Variants in TIMM9 observed in about 807,000 individuals in gnomAD.
TIMM9 encodes mitochondrial import inner membrane translocase subunit Tim9.
A neutral mutation model predicts 13.4 loss-of-function variants in TIMM9; 10 were observed. That is an observed-to-expected ratio of 0.75 (90% CI 0.46 to 1.26). TIMM9 has a LOEUF of 1.26. Ranked by LOEUF, TIMM9 falls within the 50% of genes most tolerant of loss-of-function variation. The pLI is 0.00. For synonymous variants in TIMM9, 32 were observed against 32.1 expected, an observed-to-expected ratio of 1.00 and a Z score of 0.01; for missense variants, 87 against 100.8, an observed-to-expected ratio of 0.86 and a Z score of 0.58.
chr14:58,423,284 A>G (rs2036640861), intron 3 of TIMM9, among the ~76,000 whole-genome samples: 1 of 151,454 alleles, frequency 6.6e-6, no homozygotes, highest in Admixed American at 6.6e-5. Flanking sequence ...TTGGGAGGCC[A>G]AGGCGGGTGG....
At chr14:58,413,112 C>T (rs528524560) in intron 3 of TIMM9, among the ~76,000 whole-genome samples, 5 of 152,122 alleles carry the variant, frequency 3.3e-5, no homozygotes, top group Admixed American at 6.5e-5. Flanking sequence ...AGACATTTTA[C>T]GTTCCTTTTC....
rs771579424 is a variant in TIMM9 at position 58,410,860 on chromosome 14, C to T, written c.118G>A (p.Glu40Lys). Reference sequence around the variant, plus strand: ...TTTCATACCTCTTCAGGTTTTACTTCTCTTGTTGTGAAGTCTTTAACACAG... The same window carrying T: ...TTTCATACCTCTTCAGGTTTTACTTTTCTTGTTGTGAAGTCTTTAACACAG... ...LDCVKDFTTR[E>K]VKPEETTCSE... is the part of the protein sequence containing the mutation. Residue 40 changes from glutamate to lysine, a missense_variant, in exon 5 of 6, where the codon GAA becomes AAA. Glu to Lys is a moderately conservative substitution (Grantham distance 56). Transcript: ENST00000395159. 6.2e-7 allele frequency: 1 copy of T among 1,609,296 alleles called. No homozygotes were observed. Among genetic ancestry groups the T allele is most frequent in the South Asian group, 1.1e-5 (1 of 89,596 alleles).
At chr14:58,414,679 G>C (rs1314365792) in intron 3 of TIMM9, among the ~76,000 whole-genome samples, 2 of 148,584 alleles carry the variant, frequency 1.3e-5, no homozygotes, top group Non-Finnish European at 3.0e-5. Flanking sequence ...GGAGGTTGCA[G>C]TGAGCCGAGA....
intron 3 of TIMM9, among the ~76,000 whole-genome samples, chr14:58,414,835 C>T (rs529369599): frequency 1.3e-5 from 2 of 152,216 alleles, no homozygotes; most frequent in South Asian, 4.1e-4. Context: ...AAAAGCCTCC[C>T]CACTCCCCAG....
chr14:58,409,051 G>A lies in TIMM9; in HGVS notation c.253C>T (p.Leu85Phe), dbSNP rs1218096518. Residue 85 changes from leucine to phenylalanine, a missense_variant, in exon 6 of 6, where the codon CTT (leucine) becomes TTT (phenylalanine). Physicochemically the swap from Leu to Phe is conservative, Grantham distance 22 (BLOSUM62 0). Transcript: ENST00000395159. The stretch of plus-strand genomic sequence containing the variant: ...GGACTTCTCTATCGTGGTTGGCCAA[G>A]GAGTCCTGCTTTGGCTGCCAGGGCT... ...NEALAAKAGL[L>F]GQPR The A allele has an allele frequency of 1.9e-6, 3 of 1,613,316 alleles. No individual in the cohort carries two copies. Among genetic ancestry groups the A allele is most frequent in the African/African-American group, 2.7e-5 (2 of 74,866 alleles).
chr14:58,412,830 C>T (rs1478382598), intron 3 of TIMM9, among the ~76,000 whole-genome samples: 3 of 151,826 alleles, frequency 2.0e-5, no homozygotes, highest in African/African-American at 7.3e-5. Context: ...GAACTCAGGA[C>T]GTTGAGGTTA....
At chr14:58,421,362 G>A (rs947719342) in intron 3 of TIMM9, among the ~76,000 whole-genome samples, 3 of 152,202 alleles carry the variant, frequency 2.0e-5, no homozygotes, top group African/African-American at 7.2e-5. Context: ...GGAGTAGGAA[G>A]AAAGTAGGTG....
intron 3 of TIMM9, among the ~76,000 whole-genome samples, chr14:58,419,227 G>A (rs1480373477): frequency 6.6e-6 from 1 of 152,062 alleles, no homozygotes; most frequent in East Asian, 1.9e-4. Context: ...GCCAAGAAGG[G>A]AGAATTGCTT....
intron 3 of TIMM9, among the ~76,000 whole-genome samples, chr14:58,417,074 T>C (rs918544632): frequency 2.6e-5 from 4 of 152,160 alleles, no homozygotes; most frequent in Admixed American, 6.5e-5. Context: ...GACGGTTTTA[T>C]CAAGAGGAGA....
Position 58,420,620 on chromosome 14 carries a change from C to T in TIMM9, c.-27+3388G>A, listed in dbSNP as rs539483692. 5.9e-5 allele frequency among the ~76,000 whole-genome samples: 9 copies of T among 151,950 alleles called. No individual in the cohort carries two copies. The East Asian group carries it at 1.7e-3, about 29-fold the overall frequency. ...CTAGCCTGGCCAACGTGGTGAAACC[C>T]CATCTCTACTAAAAATACAAAAGTT... On this transcript the variant is annotated intron_variant, in intron 3 of 5. Transcript: ENST00000395159.
chr14:58,412,134 T>A, intron 3 of TIMM9, 163 bp from the exon 4 acceptor site: 1 of 542,220 alleles, frequency 1.8e-6, no homozygotes, highest in East Asian at 3.1e-5. Context: ...AACCTTACAG[T>A]TGAGAATTAG....
Position 58,409,111 on chromosome 14 carries a change from T to C in TIMM9, c.193A>G (p.Met65Val). The C allele has an allele frequency of 6.2e-7, 1 of 1,614,004 alleles. No homozygotes were observed. The highest frequency in any genetic ancestry group is 8.5e-7 in the Non-Finnish European group (1 of 1,179,960). Residue 65 changes from methionine (M) to valine (V), a missense_variant, in exon 6 of 6, where the codon ATG becomes GTG. By Grantham distance (21) the Met-to-Val change is conservative. Transcript: ENST00000395159. ...KYLKMTQRIS[M>V]RFQEYHIQQN... is the part of the protein sequence containing the mutation. The stretch of plus-strand genomic sequence containing the variant: ...TGAATATGATATTCCTGAAATCTCA[T>C]GGATATTCTTTGTGTCATTTTTAAA...
At chr14:58,412,536 T>A (rs1008999195) in intron 3 of TIMM9, among the ~76,000 whole-genome samples, 2 of 152,156 alleles carry the variant, frequency 1.3e-5, no homozygotes, top group East Asian at 3.9e-4. Flanking sequence ...CTTGCTAAGC[T>A]GCTTGTTTAA....
chr14:58,416,726 T>G (rs1053540413), intron 3 of TIMM9, among the ~76,000 whole-genome samples: 1 of 152,234 alleles, frequency 6.6e-6, no homozygotes, highest in African/African-American at 2.4e-5. Flanking sequence ...TATACTTCAC[T>G]TGAACTGGTA....
intron 3 of TIMM9, among the ~76,000 whole-genome samples, chr14:58,417,977 AAGTT>A (rs1482037968): frequency 3.9e-5 from 6 of 152,306 alleles, no homozygotes; most frequent in African/African-American, 1.4e-4. Context: ...CTTCTTTATG[AAGTT>A]AGTATTATCC....
At chr14:58,418,422 ACTCTTAT>A (rs1269550287) in intron 3 of TIMM9, among the ~76,000 whole-genome samples, 1 of 152,182 alleles carries the variant, frequency 6.6e-6, no homozygotes, top group Non-Finnish European at 1.5e-5. Context: ...CACTCTCACC[ACTCTTAT>A]CTAACATACT....
chr14:58,408,509 C>T lies in TIMM9; in HGVS notation c.*525G>A. The T allele has an allele frequency of 2.5e-6, 4 of 1,609,022 alleles. No homozygotes were observed. The highest frequency in any genetic ancestry group is 2.2e-5 in the East Asian group (1 of 44,820). ...ATGCATTGAAATGATTAGCAAGTAA[C>T]TATTTTATGTATTCACCAGCAATTT... On this transcript the variant is annotated 3_prime_UTR_variant, in exon 6 of 6. Coordinates refer to ENST00000395159, the MANE Select transcript of TIMM9 (RefSeq NM_012460.4).
At position 58,411,426 on chromosome 14, in the gene TIMM9, C is replaced by T. The variant is rs1173699025; in HGVS notation, c.39+481G>A. ...TCGTGCCACTGCACTCCAGCCTGGC[C>T]GACAAAGAGAGACTGTGTCCAAAAA... On this transcript the variant is annotated intron_variant, in intron 4 of 5. Transcript: ENST00000395159. 2.0e-5 allele frequency among the ~76,000 whole-genome samples: 3 copies of T among 149,652 alleles called. 1 individual carries two copies. Among genetic ancestry groups the T allele is most frequent in the South Asian group, 4.2e-4 (2 of 4,746 alleles).
In TIMM9 at chr14:58,408,910, C is replaced by G; in HGVS notation, c.*124G>C. The G allele has an allele frequency of 7.2e-7, 1 of 1,398,150 alleles. No individual in the cohort carries two copies. Among genetic ancestry groups the G allele is most frequent in the Non-Finnish European group, 9.6e-7 (1 of 1,041,266 alleles). 86.6% of individuals were successfully genotyped at this position (1,398,150 alleles called of 1,614,324 possible). Reference sequence around the variant, plus strand: ...TCTCCAGCGGTTTCCATTTGCCAAACAGTCATGACAGATGGTTGAACATGG... The same window carrying G: ...TCTCCAGCGGTTTCCATTTGCCAAAGAGTCATGACAGATGGTTGAACATGG... On this transcript the variant is annotated 3_prime_UTR_variant, in exon 6 of 6. Transcript: ENST00000395159.
Sources: allele counts gnomAD v4.1 joint callset (sites outside exome capture counted in the v4.1 genomes callset), GRCh38; gene constraint gnomAD v4.1.1; transcripts MANE v1.5; gene names NCBI Gene and HGNC (gene_info 2026-07-23, HGNC 2026-07-21).